ANKFN1: variants seen among roughly 807,000 people sequenced by gnomAD.
ANKFN1 encodes ankyrin repeat and fibronectin type-III domain-containing protein 1.
In ANKFN1, 74 loss-of-function variants were observed where a neutral mutation model predicts 108.7. The observed-to-expected ratio is 0.68, with a 90% CI of 0.56 to 0.83. ANKFN1 has a LOEUF of 0.83. ANKFN1 is among the 40% of genes least tolerant of loss of function. The pLI is 0.00. For missense variants in ANKFN1, 1,505 were observed against 1,382.3 expected (o/e 1.09, Z -1.41); for synonymous variants, 547 against 516.2 (o/e 1.06, Z -0.81).
At chr17:56,333,838 A>G (rs906542833) in intron 4 of ANKFN1, among the ~76,000 whole-genome samples, 2 of 152,084 alleles carry the variant, frequency 1.3e-5, no homozygotes, top group Non-Finnish European at 2.9e-5. Context: ...TAAAACTAGA[A>G]ATTAACATTC....
intron 4 of ANKFN1, among the ~76,000 whole-genome samples, chr17:56,085,745 C>T (rs902896757): frequency 6.6e-6 from 1 of 151,276 alleles, no homozygotes; most frequent in Non-Finnish European, 1.5e-5. Context: ...GCTGAGGGTA[C>T]AATCCAAGGT....
At chr17:56,441,162 TTC>T (rs1180387019) in intron 9 of ANKFN1, among the ~76,000 whole-genome samples, 1 of 152,176 alleles carries the variant, frequency 6.6e-6, no homozygotes, top group East Asian at 1.9e-4. Context: ...AAAGATAAAA[TTC>T]TTTTTTCTCA....
chr17:56,107,172 C>T (rs62075430), intron 4 of ANKFN1, among the ~76,000 whole-genome samples: 2 of 151,992 alleles, frequency 1.3e-5, no homozygotes, highest in African/African-American at 4.8e-5. Context: ...GCTGAAAGAA[C>T]CCAGGAGTTT....
In ANKFN1 at chr17:56,510,894, C is replaced by G. The variant is rs1381065841; in HGVS notation, c.3066C>G (p.Ser1022Arg). 4.6e-6 allele frequency: 7 copies of G among 1,536,172 alleles called. No homozygotes were observed. The highest frequency in any genetic ancestry group is 6.1e-6 in the Non-Finnish European group (7 of 1,146,916). The change falls in exon 21 of 21, where the codon AGC becomes AGG. Residue 1022 changes from serine (S) to arginine (R), a missense_variant. Transcript: ENST00000682825. ...ATCATCGCTGGTTGCGCATCCACAGCGAGACCCAGTCGCTATCGCTCTCTG... is the reference window on the plus strand; with the variant it reads ...ATCATCGCTGGTTGCGCATCCACAGGGAGACCCAGTCGCTATCGCTCTCTG... The part of the protein sequence containing the change: ...SRHHRWLRIH[S>R]ETQSLSLSEG...
rs1007872541 is a variant in ANKFN1 at position 56,516,895 on chromosome 17, G to T, written c.*5626G>T. On this transcript the variant is annotated 3_prime_UTR_variant, in exon 21 of 21. Coordinates refer to ENST00000682825, the MANE Select transcript of ANKFN1 (RefSeq NM_001370326.1). ...TATTGTTGATATCTAAGTCAAGCAT[G>T]AAGTCAAAAAATATTTTTTATTCTT... Among the ~76,000 whole-genome samples the T allele has an allele frequency of 9.9e-5, 15 of 152,130 alleles. No homozygotes were observed. The highest frequency in any genetic ancestry group is 3.4e-4 in the African/African-American group (14 of 41,426).
intron 1 of ANKFN1, among the ~76,000 whole-genome samples, chr17:56,197,241 T>G (rs1913604707): frequency 6.6e-6 from 1 of 152,228 alleles, no homozygotes; most frequent in Admixed American, 6.5e-5. Context: ...AACACAGACC[T>G]ATCTGATTCT....
intron 3 of ANKFN1, among the ~76,000 whole-genome samples, chr17:56,261,793 A>C (rs1366258452): frequency 6.6e-6 from 1 of 152,152 alleles, no homozygotes; most frequent in Non-Finnish European, 1.5e-5. Context: ...GTGGGTCTGC[A>C]TCTCCCCGTC....
intron 19 of ANKFN1, among the ~76,000 whole-genome samples, chr17:56,492,864 T>G (rs2051086564): frequency 6.6e-6 from 1 of 152,302 alleles, no homozygotes; most frequent in East Asian, 1.9e-4. Flanking sequence ...TGTGTTCCCC[T>G]TCCCATGGTC....
chr17:56,137,161 T>C (rs887788), intron 4 of ANKFN1, among the ~76,000 whole-genome samples: 46,863 of 152,120 alleles, frequency 0.31, 8,914 homozygotes, highest in East Asian at 0.53. Flanking sequence ...TCAGATGTAT[T>C]TGGAAGTATA....
At chr17:56,183,246 T>G (rs985550160) in intron 1 of ANKFN1, among the ~76,000 whole-genome samples, 2 of 152,172 alleles carry the variant, frequency 1.3e-5, no homozygotes, top group Admixed American at 1.3e-4. Flanking sequence ...TAGCGATTCC[T>G]ATGATGGATC....
At chr17:56,338,089 G>A (rs1424461144) in intron 4 of ANKFN1, among the ~76,000 whole-genome samples, 1 of 152,172 alleles carries the variant, frequency 6.6e-6, no homozygotes, top group East Asian at 1.9e-4. Context: ...TTAAGAAAAT[G>A]TGGCACATAT....
intron 3 of ANKFN1, among the ~76,000 whole-genome samples, chr17:56,292,644 T>C (rs1318847713): frequency 6.6e-6 from 1 of 152,156 alleles, no homozygotes; most frequent in Non-Finnish European, 1.5e-5. Flanking sequence ...TAACCATTTC[T>C]AGTTAACATC....
Position 56,087,264 on chromosome 17 carries a change from C to A in ANKFN1, c.288+40939C>A, listed in dbSNP as rs1288624529. 1.3e-5 allele frequency among the ~76,000 whole-genome samples: 2 copies of A among 151,324 alleles called. 1 individual carries two copies. Among genetic ancestry groups the A allele is most frequent in the Non-Finnish European group, 3.0e-5 (2 of 67,738 alleles). On this transcript the variant is annotated intron_variant, in intron 4 of 12. Transcript: ENST00000635860. ...AGCCATGGGTGAATCTGGTCACTGA[C>A]ATGACCTGGATTGCCCCAGAAGGGC... is the stretch of plus-strand genomic sequence containing the variant.
chr17:56,469,505 T>C (rs2050242702), intron 15 of ANKFN1, among the ~76,000 whole-genome samples: 1 of 152,118 alleles, frequency 6.6e-6, no homozygotes, highest in South Asian at 2.1e-4. Context: ...GGCCTTCTCA[T>C]TGGAAGCCTG....
At chr17:56,115,304 A>G (rs908186706) in intron 4 of ANKFN1, among the ~76,000 whole-genome samples, 3 of 152,172 alleles carry the variant, frequency 2.0e-5, no homozygotes, top group African/African-American at 7.2e-5. Context: ...TCAGCATGTT[A>G]TCCATGAAAT....
intron 4 of ANKFN1, among the ~76,000 whole-genome samples, chr17:56,063,677 T>C (rs1905014555): frequency 6.6e-6 from 1 of 152,070 alleles, no homozygotes; most frequent in Non-Finnish European, 1.5e-5. Flanking sequence ...TTAGCTTCTT[T>C]GCATTGGGTT....
intron 4 of ANKFN1, among the ~76,000 whole-genome samples, chr17:56,082,024 AATT>A (rs533986806): frequency 2.6e-4 from 39 of 152,240 alleles, no homozygotes; most frequent in African/African-American, 8.7e-4. Flanking sequence ...GGCTGCGACC[AATT>A]ATTATTTTAC....
At chr17:56,304,562 TCTCCCAAA>T (rs2044763930) in intron 3 of ANKFN1, among the ~76,000 whole-genome samples, 1 of 152,166 alleles carries the variant, frequency 6.6e-6, no homozygotes, top group African/African-American at 2.4e-5. Context: ...TTAAAAAAAA[TCTCCCAAA>T]CTGTTTTCCA....
chr17:56,110,583 AT>A, intron 4 of ANKFN1, among the ~76,000 whole-genome samples: 1 of 18,934 alleles, frequency 5.3e-5, no homozygotes, highest in East Asian at 5.7e-3. Context: ...ATAAATATAG[AT>A]TGATTGAATG....
Sources: gnomAD v4.1 joint callset for allele counts (sites outside exome capture counted in the v4.1 genomes callset) on GRCh38, gnomAD v4.1.1 for gene constraint, MANE v1.5 for transcripts, NCBI Gene and HGNC (gene_info 2026-07-23, HGNC 2026-07-21) for gene names.